Variants in DNAJC17 observed in about 807,000 individuals in gnomAD.
The protein encoded by DNAJC17 is dnaJ homolog subfamily C member 17.
DNAJC17 carries 35 observed loss-of-function variants against 48.1 expected under a neutral mutation model. The observed-to-expected ratio is 0.73, with a 90% CI of 0.56 to 0.96. The LOEUF (loss-of-function observed/expected upper bound fraction) is 0.96. DNAJC17 is among the 50% of genes least tolerant of loss of function. The probability of loss-of-function intolerance (pLI) is 0.00; values close to 1 mark genes in which losing one functional copy is unlikely to be tolerated. For synonymous variants in DNAJC17, 117 were observed against 142.7 expected, an observed-to-expected ratio of 0.82 and a Z score of 1.28; for missense variants, 355 against 377.1, an observed-to-expected ratio of 0.94 and a Z score of 0.48.
intron 8 of DNAJC17, 36 bp from the exon 9 acceptor site, chr15:40,774,472 G>A (rs764528384): frequency 1.3e-5 from 21 of 1,611,826 alleles, no homozygotes; most frequent in Non-Finnish European, 1.6e-5. Flanking sequence ...AGCATGACTT[G>A]GCCTTCAGGA....
Position 40,776,586 on chromosome 15 carries a change from C to T in DNAJC17, c.337G>A (p.Glu113Lys), listed in dbSNP as rs755263192. 1.8e-5 allele frequency: 29 copies of T among 1,613,976 alleles called. No individual in the cohort carries two copies. The highest frequency in any genetic ancestry group is 2.3e-5 in the Non-Finnish European group (27 of 1,180,026). ...RERQAQAQES[E>K]EEEESRSTRT... Reference sequence around the variant, plus strand: ...GTGCTCCGGCTCTCCTCTTCCTCCTCACTCTCCTGGGCCTGGGCCTGCCGC... The same window carrying T: ...GTGCTCCGGCTCTCCTCTTCCTCCTTACTCTCCTGGGCCTGGGCCTGCCGC... Residue 113 changes from glutamate (E) to lysine (K), a missense_variant, in exon 5 of 11, where the codon GAG (glutamate) becomes AAG (lysine). Physicochemically the swap from Glu to Lys is moderately conservative, Grantham distance 56. Around this residue, in one of 3 missense-constraint regions of DNAJC17, gnomAD observed 199 missense variants for 199.9 expected, o/e 1.00. Coordinates refer to ENST00000220496, the MANE Select transcript of DNAJC17 (RefSeq NM_018163.3).
At chr15:40,804,633 T>G (rs1890155297) in intron 1 of DNAJC17, among the ~76,000 whole-genome samples, 1 of 152,052 alleles carries the variant, frequency 6.6e-6, no homozygotes, top group Admixed American at 6.6e-5. Flanking sequence ...TAAAATCTGA[T>G]TATGTAACTT....
In DNAJC17 at chr15:40,767,202, C is replaced by T. The variant is rs1888968348; in HGVS notation, c.*738G>A. The T allele has an allele frequency of 2.0e-6, 3 of 1,470,326 alleles. No individual in the cohort carries two copies. The highest frequency in any genetic ancestry group is 2.9e-5 in the African/African-American group (2 of 68,476). 91.1% of individuals were successfully genotyped at this position (1,470,326 alleles called of 1,614,324 possible). ...GAGCTTGCTGTGTGCCCCTCCTCACCCCCCCCATCCTGTCTCTTTGCAGTT... is the reference window on the plus strand; with the variant it reads ...GAGCTTGCTGTGTGCCCCTCCTCACTCCCCCCATCCTGTCTCTTTGCAGTT... On this transcript the variant is annotated 3_prime_UTR_variant, in exon 11 of 11. Coordinates refer to ENST00000220496, the MANE Select transcript of DNAJC17 (RefSeq NM_018163.3).
In DNAJC17 at chr15:40,767,203, C is replaced by A. The variant is rs200668576; in HGVS notation, c.*737G>T. ...AGCTTGCTGTGTGCCCCTCCTCACC[C>A]CCCCCATCCTGTCTCTTTGCAGTTA... On this transcript the variant is annotated 3_prime_UTR_variant, in exon 11 of 11. Coordinates refer to ENST00000220496, the MANE Select transcript of DNAJC17 (RefSeq NM_018163.3). The A allele has an allele frequency of 6.1e-4, 901 of 1,474,742 alleles. 1 individual carries two copies. The highest frequency in any genetic ancestry group is 7.4e-4 in the Non-Finnish European group (822 of 1,110,298). 91.4% of individuals were successfully genotyped at this position (1,474,742 alleles called of 1,614,324 possible).
chr15:40,776,361 A>G (rs867703010), intron 5 of DNAJC17, 69 bp from the exon 6 acceptor site: 4 of 1,536,648 alleles, frequency 2.6e-6, no homozygotes, highest in African/African-American at 2.7e-5. Context: ...CCTTGTAAAA[A>G]GTCCTTGGGA....
intron 1 of DNAJC17, among the ~76,000 whole-genome samples, chr15:40,797,443 C>T (rs543910035): frequency 2.0e-5 from 3 of 149,630 alleles, no homozygotes; most frequent in African/African-American, 7.4e-5. Context: ...GATGGAGTTT[C>T]GCTCTTATTG....
chr15:40,790,466 C>A (rs529296940), intron 1 of DNAJC17, among the ~76,000 whole-genome samples: 7 of 152,232 alleles, frequency 4.6e-5, no homozygotes, highest in Admixed American at 2.6e-4. Context: ...GTAATCCCAG[C>A]TACTTGGGAA....
intron 10 of DNAJC17, among the ~76,000 whole-genome samples, 154 bp from the exon 11 acceptor site, chr15:40,768,216 CT>C (rs1205860109): frequency 6.6e-6 from 1 of 152,152 alleles, no homozygotes; most frequent in Non-Finnish European, 1.5e-5. Context: ...TTTTGGAATC[CT>C]GGCTCGCCTG....
chr15:40,806,220 CTTTTTT>C (rs34520548), intron 1 of DNAJC17, among the ~76,000 whole-genome samples: 1 of 122,888 alleles, frequency 8.1e-6, no homozygotes, highest in African/African-American at 3.1e-5. Context: ...TTTTTTTTTC[CTTTTTT>C]TTTTTTTTTT....
intron 9 of DNAJC17, 115 bp from the exon 10 acceptor site, chr15:40,773,952 A>C: frequency 1.1e-6 from 1 of 901,288 alleles, no homozygotes; most frequent in Non-Finnish European, 1.7e-6. Context: ...CAGAGATGCC[A>C]ACCTCAGCAG....
intron 10 of DNAJC17, among the ~76,000 whole-genome samples, chr15:40,773,250 G>A (rs1291267087): frequency 6.6e-6 from 1 of 152,128 alleles, no homozygotes; most frequent in East Asian, 1.9e-4. Context: ...ATGAGCCACT[G>A]CGCCCAGCCT....
rs538270196 is a variant in DNAJC17, at chr15:40,773,149, G to C, written c.792+578C>G. 3.3e-5 allele frequency among the ~76,000 whole-genome samples: 5 copies of C among 152,144 alleles called. No homozygotes were observed. In the South Asian group the frequency reaches 1.0e-3, roughly 32 times the overall value. On this transcript the variant is annotated intron_variant, in intron 10 of 10. Coordinates refer to ENST00000220496, the MANE Select transcript of DNAJC17 (RefSeq NM_018163.3). ...CTGATTTTTGTGTTTTTGTAGAGAC[G>C]GGATTTCACTATGTTGGTCAGGCTA... is the stretch of plus-strand genomic sequence containing the variant.
At chr15:40,783,787 C>CG (rs1268218834) in intron 1 of DNAJC17, among the ~76,000 whole-genome samples, 3 of 151,968 alleles carry the variant, frequency 2.0e-5, no homozygotes, top group Non-Finnish European at 4.4e-5. Context: ...CACTTGATTC[C>CG]GGGGGGCAGA....
At position 40,767,983 on chromosome 15, in the gene DNAJC17, A is replaced by C; in HGVS notation, c.872T>G (p.Ile291Ser). Residue 291 changes from isoleucine (I) to serine (S), a missense_variant, in exon 11 of 11, where the codon ATC becomes AGC. Physicochemically the swap from Ile to Ser is moderately radical, Grantham distance 142 (BLOSUM62 -2). This residue lies in a region of DNAJC17 where 88 missense variants were observed against 67.7 expected (regional missense o/e 1.30). Transcript: ENST00000220496. ...CTGGTCTTCCTGCTGCATCCGTGCG[A>C]TCAGCTGTTGCCGCTCGGCCGCCTG... is the stretch of plus-strand genomic sequence containing the variant. Reference protein sequence around the residue: ...MRQAAERQQLIARMQQEDQEG... With the variant: ...MRQAAERQQLSARMQQEDQEG... 4 of 1,610,484 alleles carry C rather than the reference A, an allele frequency of 2.5e-6. No individual in the cohort carries two copies. The highest frequency in any genetic ancestry group is 3.4e-6 in the Non-Finnish European group (4 of 1,179,072).
At chr15:40,775,709 G>T in intron 6 of DNAJC17, 113 bp from the exon 7 acceptor site, 1 of 1,056,272 alleles carries the variant, frequency 9.5e-7, no homozygotes, top group Non-Finnish European at 1.4e-6. Context: ...CTGACCAAGG[G>T]CAATGCCTGC....
At chr15:40,774,913 G>A (rs1889274837) in intron 8 of DNAJC17, 118 bp downstream of exon 8, 34 of 1,066,354 alleles carry the variant, frequency 3.2e-5, no homozygotes, top group African/African-American at 1.3e-4. Context: ...CTATGAGACA[G>A]AAAAAAAAAG....
intron 7 of DNAJC17, 101 bp from the exon 8 acceptor site, chr15:40,775,209 C>T: frequency 7.7e-7 from 1 of 1,304,170 alleles, no homozygotes; most frequent in Non-Finnish European, 1.1e-6. Context: ...ACCCTCCAAG[C>T]CTCCAAGGCT....
chr15:40,779,061 T>C (rs1889406302), intron 4 of DNAJC17, 162 bp downstream of exon 4: 1 of 713,262 alleles, frequency 1.4e-6, no homozygotes, highest in Non-Finnish European at 2.5e-6. Context: ...TTATTATTCC[T>C]AAGAGTGTCT....
intron 2 of DNAJC17, 60 bp from the exon 3 acceptor site, chr15:40,779,663 C>T (rs925919702): frequency 5.9e-6 from 9 of 1,531,672 alleles, no homozygotes; most frequent in Middle Eastern, 1.7e-4. Context: ...TAATGGTGTG[C>T]TCCCTCAAAA....
Sources: allele counts gnomAD v4.1 joint callset (sites outside exome capture counted in the v4.1 genomes callset), GRCh38; gene constraint gnomAD v4.1.1; regional missense constraint gnomAD v4.1.1; transcripts MANE v1.5; gene names NCBI Gene and HGNC (gene_info 2026-07-23, HGNC 2026-07-21).